The following PTPRD variants were observed in gnomAD, a reference collection of about 807,000 sequenced individuals.
The protein encoded by PTPRD is protein tyrosine phosphatase receptor type D.
A neutral mutation model predicts 214.5 loss-of-function variants in PTPRD; 34 were observed. The ratio of observed to expected loss-of-function variants is 0.16; its 90% CI spans 0.12 to 0.21. PTPRD has a LOEUF of 0.21. PTPRD is among the 10% of genes least tolerant of loss of function. PTPRD has a pLI of 1.00. For synonymous variants in PTPRD, 1,128 were observed against 845.7 expected, an observed-to-expected ratio of 1.33 and a Z score of -5.79; for missense variants, 2,545 against 2,398.7, an observed-to-expected ratio of 1.06 and a Z score of -1.27.
intron 3 of PTPRD, among the ~76,000 whole-genome samples, chr9:10,201,383 G>C (rs1376701354): frequency 6.6e-6 from 1 of 152,044 alleles, no homozygotes; most frequent in Admixed American, 6.6e-5. Flanking sequence ...ATGTAAATTG[G>C]CATACTTAAA....
chr9:9,760,081 T>G (rs1285309096), intron 6 of PTPRD, among the ~76,000 whole-genome samples: 2 of 152,198 alleles, frequency 1.3e-5, no homozygotes, highest in African/African-American at 2.4e-5. Flanking sequence ...CCTCTGAAGT[T>G]TCTCATAGTG....
chr9:8,835,672 G>C (rs1462426200), intron 11 of PTPRD, among the ~76,000 whole-genome samples: 6 of 152,128 alleles, frequency 3.9e-5, no homozygotes. Flanking sequence ...TGGAACCACA[G>C]GTGTGTGTCA....
At chr9:9,244,426 TACC>T (rs1555081801) in intron 9 of PTPRD, among the ~76,000 whole-genome samples, 1 of 152,134 alleles carries the variant, frequency 6.6e-6, no homozygotes, top group Non-Finnish European at 1.5e-5. Flanking sequence ...ATGGTACTGG[TACC>T]AATACAGAGA....
At chr9:8,670,189 A>G (rs1270062464) in intron 12 of PTPRD, among the ~76,000 whole-genome samples, 1 of 152,092 alleles carries the variant, frequency 6.6e-6, no homozygotes, top group African/African-American at 2.4e-5. Flanking sequence ...TTTAACGAAA[A>G]TCCCTAATAA....
chr9:9,189,017 C>G (rs1034634753), intron 9 of PTPRD, among the ~76,000 whole-genome samples: 4 of 152,012 alleles, frequency 2.6e-5, no homozygotes, highest in African/African-American at 9.7e-5. Flanking sequence ...TAATATCAGT[C>G]TATTCTAAAT....
At chr9:8,769,354 G>A (rs557798458) in intron 11 of PTPRD, among the ~76,000 whole-genome samples, 6 of 152,224 alleles carry the variant, frequency 3.9e-5, no homozygotes, top group African/African-American at 9.6e-5. Flanking sequence ...AATTGCAAAA[G>A]CGTAATTACA....
At chr9:8,956,429 T>C (rs1375285554) in intron 11 of PTPRD, among the ~76,000 whole-genome samples, 2 of 152,044 alleles carry the variant, frequency 1.3e-5, no homozygotes, top group African/African-American at 4.8e-5. Flanking sequence ...AATGAAGACA[T>C]AATCTATTTT....
chr9:8,515,639 G>T lies in PTPRD; in HGVS notation c.1543+2209C>A, dbSNP rs551309165. ...GGGAAGAACATAATGTAAAGATGAA[G>T]GTAGTGATCAGATGATGCTTCTACA... On this transcript the variant is annotated intron_variant, in intron 21 of 45. Coordinates refer to ENST00000381196, the MANE Select transcript of PTPRD (RefSeq NM_002839.4). Among the ~76,000 whole-genome samples the T allele has an allele frequency of 2.8e-3, 428 of 152,274 alleles. 3 individuals carry two copies. Among genetic ancestry groups the T allele is most frequent in the Admixed American group, 6.9e-3 (106 of 15,294 alleles).
At chr9:9,491,286 T>G (rs915821897) in intron 8 of PTPRD, among the ~76,000 whole-genome samples, 2 of 151,816 alleles carry the variant, frequency 1.3e-5, no homozygotes, top group African/African-American at 4.8e-5. Flanking sequence ...TAACAGACCA[T>G]AGAGACATAT....
At chr9:9,329,481 GT>G (rs1367390211) in intron 9 of PTPRD, among the ~76,000 whole-genome samples, 1 of 152,112 alleles carries the variant, frequency 6.6e-6, no homozygotes, top group African/African-American at 2.4e-5. Flanking sequence ...GATGAAGTTG[GT>G]TTTTAATTAA....
At chr9:8,763,611 T>G (rs537792286) in intron 11 of PTPRD, among the ~76,000 whole-genome samples, 1 of 151,368 alleles carries the variant, frequency 6.6e-6, no homozygotes, top group South Asian at 2.1e-4. Context: ...GCTACAAATG[T>G]CATTTTTGTT....
At chr9:9,972,885 T>C (rs2095192081) in intron 4 of PTPRD, among the ~76,000 whole-genome samples, 1 of 152,164 alleles carries the variant, frequency 6.6e-6, no homozygotes, top group Non-Finnish European at 1.5e-5. Flanking sequence ...ACCTGAGTAC[T>C]TTCCCATTGT....
intron 9 of PTPRD, among the ~76,000 whole-genome samples, chr9:9,338,839 C>T (rs931965858): frequency 1.3e-5 from 2 of 152,140 alleles, no homozygotes; most frequent in African/African-American, 4.8e-5. Context: ...CCATCTCTCC[C>T]CTACCCCCTC....
At chr9:8,321,495 A>ATATATATG (rs1364651123) in intron 44 of PTPRD, among the ~76,000 whole-genome samples, 32 of 76,036 alleles carry the variant, frequency 4.2e-4, no homozygotes, top group African/African-American at 2.8e-3. Context: ...GTGTATATAT[A>ATATATATG]TATATATATA....
At chr9:8,585,256 G>A (rs2093551460) in intron 14 of PTPRD, among the ~76,000 whole-genome samples, 1 of 152,126 alleles carries the variant, frequency 6.6e-6, no homozygotes, top group Non-Finnish European at 1.5e-5. Flanking sequence ...GGGAAGAGTA[G>A]ACAGATGCTT....
At position 9,988,604 on chromosome 9, in the gene PTPRD, C is replaced by CTT. The variant is rs35804744; in HGVS notation, c.-472+45112_-472+45113dup. Among the ~76,000 whole-genome samples the CTT allele has an allele frequency of 4.5e-4, 69 of 152,132 alleles. No individual in the cohort carries two copies. In the South Asian group the frequency reaches 0.014, roughly 31 times the overall value. On this transcript the variant is annotated intron_variant, in intron 4 of 45. Coordinates refer to ENST00000381196, the MANE Select transcript of PTPRD (RefSeq NM_002839.4). Reference sequence around the variant, plus strand: ...GTATCATTAGTGCTGAATTTTAAATCTTTTTTTCTGCCTAGTAAAGTAAAA... The same window carrying CTT: ...GTATCATTAGTGCTGAATTTTAAATCTTTTTTTTTCTGCCTAGTAAAGTAAAA...
intron 39 of PTPRD, among the ~76,000 whole-genome samples, chr9:8,347,955 A>C (rs138452939): frequency 5.1e-4 from 78 of 152,270 alleles, no homozygotes; most frequent in Non-Finnish European, 9.1e-4. Flanking sequence ...GTATTTTGTT[A>C]TGGAAGCCCC....
intron 5 of PTPRD, among the ~76,000 whole-genome samples, chr9:9,860,105 C>A (rs1411110149): frequency 6.6e-6 from 1 of 152,090 alleles, no homozygotes; most frequent in Non-Finnish European, 1.5e-5. Context: ...TGGCCATGAA[C>A]AATATCTACT....
At chr9:10,169,400 G>A (rs1053876933) in intron 3 of PTPRD, among the ~76,000 whole-genome samples, 1 of 148,892 alleles carries the variant, frequency 6.7e-6, no homozygotes, top group African/African-American at 2.5e-5. Flanking sequence ...CGTGAACCCC[G>A]GAGGCGGAGC....
Sources: gnomAD v4.1 joint callset for allele counts (sites outside exome capture counted in the v4.1 genomes callset) on GRCh38, gnomAD v4.1.1 for gene constraint, MANE v1.5 for transcripts, NCBI Gene and HGNC (gene_info 2026-07-23, HGNC 2026-07-21) for gene names.